The following CSMD1 variants were observed in gnomAD, a reference collection of about 807,000 sequenced individuals.
CSMD1 encodes the protein CUB and sushi domain-containing protein 1.
A neutral mutation model predicts 417.5 loss-of-function variants in CSMD1; 213 were observed. The ratio of observed to expected loss-of-function variants is 0.51; its 90% CI spans 0.46 to 0.57. The LOEUF is 0.57. CSMD1 is among the 20% of genes least tolerant of loss of function. The probability of loss-of-function intolerance (pLI) is 0.00; values close to 1 mark genes in which losing one functional copy is unlikely to be tolerated. For missense variants in CSMD1, 6,923 were observed against 4,529.7 expected, an observed-to-expected ratio of 1.53 and a Z score of -15.17; for synonymous variants, 2,862 against 1,736.8, an observed-to-expected ratio of 1.65 and a Z score of -16.11.
At chr8:3,723,615 A>G (rs1802312625) in intron 6 of CSMD1, among the ~76,000 whole-genome samples, 1 of 152,158 alleles carries the variant, frequency 6.6e-6, no homozygotes, top group Non-Finnish European at 1.5e-5. Context: ...TTTCAAGAAA[A>G]TATTAGAATT....
chr8:3,641,844 C>G (rs1005108594), intron 7 of CSMD1, among the ~76,000 whole-genome samples: 1 of 152,204 alleles, frequency 6.6e-6, no homozygotes, highest in Admixed American at 6.5e-5. Flanking sequence ...CCTACCATAA[C>G]GTCCTATTAT....
intron 1 of CSMD1, among the ~76,000 whole-genome samples, chr8:4,799,964 G>C (rs1318158379): frequency 1.3e-5 from 2 of 151,608 alleles, no homozygotes; most frequent in Non-Finnish European, 2.9e-5. Context: ...AGACTACACT[G>C]ATGCTTCTCA....
intron 3 of CSMD1, among the ~76,000 whole-genome samples, chr8:4,118,392 A>C (rs1034500082): frequency 1.4e-5 from 2 of 145,936 alleles, no homozygotes; most frequent in African/African-American, 5.2e-5. Context: ...AAAGAACTTA[A>C]AGAAATTTAC....
intron 3 of CSMD1, among the ~76,000 whole-genome samples, chr8:4,340,973 C>T (rs2128895218): frequency 6.6e-6 from 1 of 152,172 alleles, no homozygotes; most frequent in East Asian, 1.9e-4. Context: ...TTATTTCAAG[C>T]TGATGGATTT....
At chr8:3,477,014 G>T (rs1377789584) in intron 11 of CSMD1, among the ~76,000 whole-genome samples, 2 of 152,094 alleles carry the variant, frequency 1.3e-5, no homozygotes, top group East Asian at 3.9e-4. Flanking sequence ...GAAGTGAAGG[G>T]AATGTTCTGT....
intron 5 of CSMD1, among the ~76,000 whole-genome samples, chr8:3,891,200 C>G (rs946972162): frequency 1.3e-5 from 2 of 152,078 alleles, no homozygotes; most frequent in South Asian, 4.1e-4. Flanking sequence ...CATGTGCCAT[C>G]ATGCCTGGCT....
chr8:3,583,400 A>G (rs1040886097), intron 9 of CSMD1, among the ~76,000 whole-genome samples: 26 of 152,112 alleles, frequency 1.7e-4, no homozygotes, highest in African/African-American at 4.8e-4. Flanking sequence ...GTAGAAATCT[A>G]TCTTGTAAGG....
intron 5 of CSMD1, among the ~76,000 whole-genome samples, chr8:3,771,002 C>G (rs958227245): frequency 2.9e-5 from 4 of 137,818 alleles, no homozygotes; most frequent in African/African-American, 1.1e-4. Context: ...CTCTCTCTCT[C>G]TCTCTGTCAG....
intron 1 of CSMD1, among the ~76,000 whole-genome samples, chr8:4,976,268 A>G (rs7463166): frequency 0.26 from 38,945 of 152,122 alleles, 6,314 homozygotes; most frequent in Non-Finnish European, 0.37. Flanking sequence ...CACCTGCGTA[A>G]CAAGTAATAA....
chr8:3,799,474 C>G (rs900718482), intron 5 of CSMD1, among the ~76,000 whole-genome samples: 1 of 142,786 alleles, frequency 7.0e-6, no homozygotes, highest in Non-Finnish European at 1.5e-5. Flanking sequence ...TCAGTTCCCA[C>G]CTATAAGTGA....
rs868588679 is a variant in CSMD1, at chr8:2,963,232, G to A, written c.9444C>T (p.Pro3148=). The stretch of plus-strand genomic sequence containing the variant: ...TGCTGTAGAACTTACGGAGACACTG[G>A]GGGATCTCTCCTTTCCACACCCCGC... The part of the protein sequence containing the change: ...EGRGVWKGEI[P]QCLPVFCGDP... Residue 3148 remains proline (P), a synonymous_variant, in exon 60 of 70, where the codon CCC becomes CCT. Coordinates refer to ENST00000635120, the MANE Select transcript of CSMD1 (RefSeq NM_033225.6). 6.2e-7 allele frequency: 1 copy of A among 1,613,802 alleles called. No homozygotes were observed. The highest frequency in any genetic ancestry group is 1.3e-5 in the African/African-American group (1 of 74,912).
intron 26 of CSMD1, among the ~76,000 whole-genome samples, chr8:3,267,864 G>C (rs979982807): frequency 9.2e-5 from 14 of 152,100 alleles, no homozygotes; most frequent in African/African-American, 3.4e-4. Flanking sequence ...CCCTGGCAGG[G>C]CCATAGGGAC....
Position 3,753,918 on chromosome 8 carries a change from G to C in CSMD1, c.931+12C>G, listed in dbSNP as rs1457588031. ...TGTTTTTTTTTTTTCTTATAAGATG[G>C]AGCATCCTTACCTTGGAACTGAGCG... On this transcript the variant is annotated intron_variant, in intron 6 of 69. Transcript: ENST00000635120. 3 of 1,562,190 alleles carry C rather than the reference G, an allele frequency of 1.9e-6. No homozygotes were observed. Among genetic ancestry groups the C allele is most frequent in the Non-Finnish European group, 2.6e-6 (3 of 1,136,824 alleles).
intron 49 of CSMD1, among the ~76,000 whole-genome samples, chr8:3,071,551 T>A (rs1045003864): frequency 4.6e-5 from 7 of 152,182 alleles, no homozygotes; most frequent in African/African-American, 1.7e-4. Context: ...TAACATACAT[T>A]TTTAAAAATA....
intron 3 of CSMD1, among the ~76,000 whole-genome samples, chr8:4,040,098 T>C (rs1459204122): frequency 6.6e-6 from 1 of 152,196 alleles, no homozygotes; most frequent in African/African-American, 2.4e-5. Flanking sequence ...ACAGAGATTT[T>C]AACATATCGC....
chr8:4,530,439 C>T (rs1321761708), intron 2 of CSMD1, among the ~76,000 whole-genome samples: 2 of 145,082 alleles, frequency 1.4e-5, no homozygotes, highest in Admixed American at 1.4e-4. Flanking sequence ...AACCCATCAT[C>T]TAGGTTTTAA....
At chr8:4,650,560 C>T (rs905061852) in intron 1 of CSMD1, among the ~76,000 whole-genome samples, 1 of 151,608 alleles carries the variant, frequency 6.6e-6, no homozygotes, top group African/African-American at 2.4e-5. Flanking sequence ...GCAGAAACAA[C>T]GCATGACATT....
At chr8:3,832,439 A>C (rs1344506184) in intron 5 of CSMD1, among the ~76,000 whole-genome samples, 1 of 152,194 alleles carries the variant, frequency 6.6e-6, no homozygotes, top group Non-Finnish European at 1.5e-5. Context: ...CTTAATTATA[A>C]AGCGATTATG....
intron 3 of CSMD1, among the ~76,000 whole-genome samples, chr8:4,088,582 T>C (rs1800545343): frequency 6.6e-6 from 1 of 152,152 alleles, no homozygotes; most frequent in Admixed American, 6.5e-5. Context: ...CCTGAGACTA[T>C]ACCTCCCACA....
Sources: allele counts gnomAD v4.1 joint callset (sites outside exome capture counted in the v4.1 genomes callset), GRCh38; gene constraint gnomAD v4.1.1; transcripts MANE v1.5; gene names NCBI Gene and HGNC (gene_info 2026-07-23, HGNC 2026-07-21).